The following DNM3 variants were observed in gnomAD, a reference collection of about 807,000 sequenced individuals.
DNM3 encodes dynamin 3.
In DNM3, 47 loss-of-function variants were observed where a neutral mutation model predicts 101.6. That is an observed-to-expected ratio of 0.46 (90% CI 0.37 to 0.59). The LOEUF (loss-of-function observed/expected upper bound fraction) is 0.59, where lower values mean the gene tolerates loss of function less well. Among genes scored for constraint, DNM3 ranks in the 20% least tolerant of loss-of-function variants. The probability of loss-of-function intolerance (pLI) is 0.00; values close to 1 mark genes in which losing one functional copy is unlikely to be tolerated. For synonymous variants in DNM3, 385 were observed against 387.9 expected (o/e 0.99, Z 0.09); for missense variants, 849 against 1,085.7 (o/e 0.78, Z 3.06).
chr1:172,393,357 CCTT>C (rs1351152460), intron 20 of DNM3: 1 of 152,288 alleles, frequency 6.6e-6, no homozygotes, highest in Non-Finnish European at 1.5e-5. Flanking sequence ...GATACGATCT[CCTT>C]GTTTCGGTTT....
chr1:172,035,610 G>T (rs1048473790), intron 6 of DNM3, among the ~76,000 whole-genome samples: 1 of 152,130 alleles, frequency 6.6e-6, no homozygotes, highest in Non-Finnish European at 1.5e-5. Flanking sequence ...GTATTGCTTT[G>T]CTCTGGAGAT....
intron 17 of DNM3, among the ~76,000 whole-genome samples, chr1:172,372,674 ATTTTTTTTTTTTTTTT>A (rs71107346): frequency 1.3e-5 from 1 of 79,006 alleles, no homozygotes; most frequent in Non-Finnish European, 2.6e-5. Flanking sequence ...CTTGTAATTA[ATTTTTTTTTTTTTTTT>A]TTTTTTTTTT....
chr1:172,332,378 C>G (rs1290995036), intron 17 of DNM3, among the ~76,000 whole-genome samples: 2 of 152,160 alleles, frequency 1.3e-5, no homozygotes, highest in Non-Finnish European at 2.9e-5. Context: ...AGTGTGATTT[C>G]AGCTCACTGC....
intron 1 of DNM3, among the ~76,000 whole-genome samples, chr1:171,886,348 A>G (rs2125150362): frequency 6.6e-6 from 1 of 152,316 alleles, no homozygotes; most frequent in African/African-American, 2.4e-5. Context: ...TCAGATGGCC[A>G]CTTAATGGGT....
chr1:171,973,671 T>A (rs1426374267), intron 2 of DNM3, among the ~76,000 whole-genome samples: 2 of 149,102 alleles, frequency 1.3e-5, no homozygotes, highest in Non-Finnish European at 3.0e-5. Flanking sequence ...GACTCCAAAA[T>A]CTTTTTTTTT....
chr1:172,007,958 C>G (rs145915023), intron 4 of DNM3, among the ~76,000 whole-genome samples: 2 of 151,834 alleles, frequency 1.3e-5, no homozygotes, highest in East Asian at 3.9e-4. Flanking sequence ...TAATTATTGA[C>G]GTTGAGCATT....
chr1:171,884,901 G>A (rs562971219), intron 1 of DNM3, among the ~76,000 whole-genome samples: 73 of 152,188 alleles, frequency 4.8e-4, no homozygotes, highest in Non-Finnish European at 8.8e-4. Context: ...AAAAGGGTGT[G>A]AATACAGGGA....
intron 14 of DNM3, among the ~76,000 whole-genome samples, chr1:172,214,543 C>A (rs899306291): frequency 6.6e-6 from 1 of 151,868 alleles, no homozygotes; most frequent in African/African-American, 2.4e-5. Context: ...AATTGGCATA[C>A]GGTGAATATA....
At chr1:171,931,611 A>C (rs1379591775) in intron 2 of DNM3, among the ~76,000 whole-genome samples, 1 of 152,124 alleles carries the variant, frequency 6.6e-6, no homozygotes, top group East Asian at 1.9e-4. Flanking sequence ...CTTTATCTGA[A>C]ATTTGTTTTC....
chr1:171,984,174 G>A (rs946739920), intron 2 of DNM3, among the ~76,000 whole-genome samples: 1 of 151,962 alleles, frequency 6.6e-6, no homozygotes, highest in Non-Finnish European at 1.5e-5. Context: ...AGCTCTCCCC[G>A]GGATGATTTC....
At chr1:172,236,295 A>T (rs2061543204) in intron 14 of DNM3, among the ~76,000 whole-genome samples, 1 of 152,042 alleles carries the variant, frequency 6.6e-6, no homozygotes, top group Admixed American at 6.6e-5. Context: ...GTCAAGGAAA[A>T]CTTCCTAGAA....
At chr1:172,171,010 C>T (rs1375112834) in intron 14 of DNM3, among the ~76,000 whole-genome samples, 1 of 151,682 alleles carries the variant, frequency 6.6e-6, no homozygotes, top group Non-Finnish European at 1.5e-5. Context: ...AACTTCTGCC[C>T]ATTCTTTAAT....
chr1:172,060,145 T>G (rs2051049025), intron 10 of DNM3, among the ~76,000 whole-genome samples: 1 of 145,868 alleles, frequency 6.9e-6, no homozygotes, highest in Admixed American at 6.9e-5. Context: ...ACAAGGGATG[T>G]GAAGGACCTC....
chr1:172,032,385 G>T lies in DNM3; in HGVS notation c.590-17G>T. ...TCTTCTGCAAATTGTGTAATGTTGG[G>T]TTTGTTTATGATGCAGGTCTGAGAA... On this transcript the variant is annotated splice_polypyrimidine_tract_variant and intron_variant, in intron 4 of 20. Coordinates refer to ENST00000627582, the MANE Select transcript of DNM3 (RefSeq NM_015569.5). 1.3e-6 allele frequency: 2 copies of T among 1,590,508 alleles called. No individual in the cohort carries two copies. Among genetic ancestry groups the T allele is most frequent in the South Asian group, 2.2e-5 (2 of 90,054 alleles).
intron 1 of DNM3, among the ~76,000 whole-genome samples, chr1:171,917,316 G>A (rs2039794495): frequency 6.6e-6 from 1 of 152,130 alleles, no homozygotes; most frequent in African/African-American, 2.4e-5. Context: ...GATACAGCTA[G>A]TGTGTTCTTT....
chr1:172,074,145 C>T (rs1011888033), intron 11 of DNM3, among the ~76,000 whole-genome samples: 1 of 151,906 alleles, frequency 6.6e-6, no homozygotes, highest in Non-Finnish European at 1.5e-5. Flanking sequence ...CAGATGAGGT[C>T]TATATAAGAA....
rs747167865 is a variant in DNM3, at chr1:172,408,057, T to C, written c.*216T>C. On this transcript the variant is annotated 3_prime_UTR_variant, in exon 21 of 21. Transcript: ENST00000627582. ...CTGCTAACCTTTTAGAGGCTTTATA[T>C]GTTGTACTGACCAAGGTAGGTTTGT... 75 of 1,401,206 alleles carry C rather than the reference T, an allele frequency of 5.4e-5. No individual in the cohort carries two copies. Among genetic ancestry groups the C allele is most frequent in the Admixed American group, 1.1e-4 (4 of 34,944 alleles). The allele number at this position is 1,401,206 out of a possible 1,614,324, so 86.8% of individuals were successfully genotyped here.
chr1:172,390,900 T>C (rs1329403956), intron 20 of DNM3, among the ~76,000 whole-genome samples: 1 of 152,166 alleles, frequency 6.6e-6, no homozygotes, highest in Non-Finnish European at 1.5e-5. Flanking sequence ...TGAACATGCA[T>C]GTTCTGCCTG....
At chr1:172,180,602 C>A (rs995949183) in intron 14 of DNM3, among the ~76,000 whole-genome samples, 38 of 150,954 alleles carry the variant, frequency 2.5e-4, no homozygotes, top group Admixed American at 1.9e-3. Flanking sequence ...AACAGAAGAT[C>A]ATAAAAAGTT....
Sources: gnomAD v4.1 joint callset for allele counts (sites outside exome capture counted in the v4.1 genomes callset) on GRCh38, gnomAD v4.1.1 for gene constraint, MANE v1.5 for transcripts, NCBI Gene and HGNC (gene_info 2026-07-23, HGNC 2026-07-21) for gene names.